Variants in ZBTB41 observed in about 807,000 individuals in gnomAD.
The protein encoded by ZBTB41 is zinc finger and BTB domain containing 41, also known as zinc finger and BTB domain-containing protein 41.
ZBTB41 carries 42 observed loss-of-function variants against 87.6 expected under a neutral mutation model. That is an observed-to-expected ratio of 0.48 (90% confidence interval 0.37 to 0.62). ZBTB41 has a LOEUF of 0.62. Ranked by LOEUF, ZBTB41 falls within the 20% of genes least tolerant of loss-of-function variation. ZBTB41 has a pLI of 0.00. For missense variants in ZBTB41, 799 were observed against 1,078.9 expected (o/e 0.74, Z 3.63); for synonymous variants, 364 against 364.0 (o/e 1.00, Z 0.00).
At chr1:197,174,925 T>A in intron 9 of ZBTB41, 85 bp downstream of exon 9, 1 of 1,055,816 alleles carries the variant, frequency 9.5e-7, no homozygotes, top group Non-Finnish European at 1.4e-6. Flanking sequence ...CTAACTTCAA[T>A]TAAACAAAGT....
intron 9 of ZBTB41, among the ~76,000 whole-genome samples, chr1:197,173,845 T>A (rs1434268703): frequency 6.6e-6 from 1 of 152,088 alleles, no homozygotes; most frequent in Middle Eastern, 3.2e-3. Flanking sequence ...TTGCCCCCCA[T>A]AAAACATGTG....
rs936192773 is a variant in ZBTB41, at chr1:197,157,794, T to C, written c.*1565A>G. ...TAAAGTACCTTTATTTCTTAAGTGC[T>C]TCAGCGACAGTTTCCGCCATTACTA... On this transcript the variant is annotated 3_prime_UTR_variant, in exon 11 of 11. Transcript: ENST00000367405. 4.6e-5 allele frequency: 7 copies of C among 152,340 alleles called. No individual in the cohort carries two copies. The highest frequency in any genetic ancestry group is 8.8e-5 in the Non-Finnish European group (6 of 67,826). 9.4% of individuals were successfully genotyped at this position (152,340 alleles called of 1,614,324 possible). A position where few individuals can be genotyped will look rare whatever the true frequency, so the allele number is the denominator to read the frequency against.
chr1:197,191,541 A>G, intron 3 of ZBTB41, 151 bp downstream of exon 3: 1 of 593,958 alleles, frequency 1.7e-6, no homozygotes, highest in Non-Finnish European at 2.6e-6. Context: ...GCCAAAACCC[A>G]AGAAAGAAAA....
intron 10 of ZBTB41, among the ~76,000 whole-genome samples, chr1:197,165,585 G>T (rs771388650): frequency 1.1e-4 from 16 of 151,646 alleles, no homozygotes; most frequent in Non-Finnish European, 2.2e-4. Context: ...ACTCCAGCCT[G>T]GGTGACAGAG....
At chr1:197,191,456 CAA>C (rs537220441) in intron 3 of ZBTB41, among the ~76,000 whole-genome samples, 57,867 of 84,822 alleles carry the variant, frequency 0.68, 19,581 homozygotes, top group East Asian at 0.86. Flanking sequence ...AGCCCTACTT[CAA>C]AAAAAAAAAA....
intron 7 of ZBTB41, among the ~76,000 whole-genome samples, 170 bp from the exon 8 acceptor site, chr1:197,176,840 C>T (rs1157372008): frequency 3.3e-5 from 5 of 152,088 alleles, no homozygotes; most frequent in African/African-American, 4.8e-5. Flanking sequence ...TCTTTTACCA[C>T]CTGACCCCAG....
At chr1:197,192,358 C>T (rs191409254) in intron 2 of ZBTB41, among the ~76,000 whole-genome samples, 3 of 152,166 alleles carry the variant, frequency 2.0e-5, no homozygotes, top group East Asian at 3.9e-4. Flanking sequence ...TAGAGGGTTA[C>T]GTGACCTTGG....
chr1:197,163,446 A>G (rs1659245503), intron 10 of ZBTB41, among the ~76,000 whole-genome samples: 1 of 152,086 alleles, frequency 6.6e-6, no homozygotes, highest in South Asian at 2.1e-4. Flanking sequence ...ATTGGAATCT[A>G]TGGGAAAAAA....
intron 5 of ZBTB41, among the ~76,000 whole-genome samples, chr1:197,184,922 C>T (rs1261774159): frequency 6.6e-6 from 1 of 152,068 alleles, no homozygotes; most frequent in Non-Finnish European, 1.5e-5. Flanking sequence ...TCAAGCTATT[C>T]TCCTGCCTCA....
intron 5 of ZBTB41, 51 bp downstream of exon 5, chr1:197,188,241 T>A (rs1659933355): frequency 6.3e-7 from 1 of 1,593,478 alleles, no homozygotes; most frequent in African/African-American, 1.4e-5. Flanking sequence ...TCCAGCATGA[T>A]GTGATAATTA....
intron 9 of ZBTB41, among the ~76,000 whole-genome samples, chr1:197,174,530 C>A (rs1223989906): frequency 6.6e-6 from 1 of 152,060 alleles, no homozygotes; most frequent in Non-Finnish European, 1.5e-5. Context: ...ACATGAATTA[C>A]TTGAATGTTT....
At chr1:197,161,182 C>G (rs1370033013) in intron 10 of ZBTB41, among the ~76,000 whole-genome samples, 2 of 152,110 alleles carry the variant, frequency 1.3e-5, no homozygotes, top group South Asian at 4.2e-4. Context: ...AAGAACTATA[C>G]GGTAATAAAT....
chr1:197,200,506 A>C lies in ZBTB41; in HGVS notation c.-33T>G, dbSNP rs201195768. The C allele has an allele frequency of 2.6e-6, 4 of 1,533,610 alleles. No homozygotes were observed. The highest frequency in any genetic ancestry group is 1.3e-5 in the South Asian group (1 of 76,774). On this transcript the variant is annotated 5_prime_UTR_variant, in exon 2 of 11. The change abolishes an upstream ATG in the 5' untranslated region. Transcript: ENST00000367405. ...CAGCAATTTCAGAACAAGAAACTTC[A>C]TAAGTGTCTTAAGTGATTTATAAAG...
rs1659613343 is a variant in ZBTB41, at chr1:197,176,557, G to C, written c.1879+7C>G. ...TTTTCGAACTAGCATTACAAAATAT[G>C]GTATACCTGAATGTATTTTTTTGTG... is the stretch of plus-strand genomic sequence containing the variant. On this transcript the variant is annotated splice_region_variant and intron_variant, in intron 8 of 10. Coordinates refer to ENST00000367405, the MANE Select transcript of ZBTB41 (RefSeq NM_194314.3). 1 of 1,593,730 alleles carries C rather than the reference G, an allele frequency of 6.3e-7. No individual in the cohort carries two copies. The highest frequency in any genetic ancestry group is 1.1e-5 in the South Asian group (1 of 89,790).
At chr1:197,174,978 TA>T (rs1659567675) in intron 9 of ZBTB41, 31 bp downstream of exon 9, 1 of 1,564,460 alleles carries the variant, frequency 6.4e-7, no homozygotes. Flanking sequence ...TTAGCCAATG[TA>T]AACTATGAGA....
At chr1:197,199,077 T>C (rs1183845576) in intron 2 of ZBTB41, among the ~76,000 whole-genome samples, 1 of 152,174 alleles carries the variant, frequency 6.6e-6, no homozygotes, top group Non-Finnish European at 1.5e-5. Flanking sequence ...TACATGATAA[T>C]TATTGACACT....
At position 197,178,526 on chromosome 1, in the gene ZBTB41, T is replaced by C. The variant is rs1030494886; in HGVS notation, c.1677-14A>G. ...TTCAAAGTAGTTCTGCATTAAAATA[T>C]ATAGATTCGAGATTTTTTAAATGCC... On this transcript the variant is annotated splice_polypyrimidine_tract_variant and intron_variant, in intron 6 of 10. Transcript: ENST00000367405. The C allele has an allele frequency of 1.0e-5, 16 of 1,580,930 alleles. No homozygotes were observed. In the Admixed American group the frequency reaches 1.4e-4, roughly 14 times the overall value.
intron 10 of ZBTB41, among the ~76,000 whole-genome samples, chr1:197,171,213 C>T (rs921170058): frequency 6.6e-6 from 1 of 152,046 alleles, no homozygotes; most frequent in Non-Finnish European, 1.5e-5. Flanking sequence ...ATGGAAGATA[C>T]CATCAAGTTC....
rs12724106 is a variant in ZBTB41, at chr1:197,158,448, A to G, written c.*911T>C. The stretch of plus-strand genomic sequence containing the variant: ...TTCTATCAGCCAAGTAAATGAAATC[A>G]AAAGTAGCATGTTTAATTAAATTTC... On this transcript the variant is annotated 3_prime_UTR_variant, in exon 11 of 11. Coordinates refer to ENST00000367405, the MANE Select transcript of ZBTB41 (RefSeq NM_194314.3). 11,130 of 152,522 alleles carry G rather than the reference A, an allele frequency of 0.073. 568 individuals carry two copies. Among genetic ancestry groups the G allele is most frequent in the Non-Finnish European group, 0.11 (7,514 of 67,866 alleles). 9.4% of individuals were successfully genotyped at this position (152,522 alleles called of 1,614,324 possible).
Sources: gnomAD v4.1 joint callset for allele counts (sites outside exome capture counted in the v4.1 genomes callset) on GRCh38, gnomAD v4.1.1 for gene constraint, MANE v1.5 for transcripts, NCBI Gene and HGNC (gene_info 2026-07-23, HGNC 2026-07-21) for gene names.